Variants in GRIN2B observed in about 807,000 individuals in gnomAD.
The protein encoded by GRIN2B is glutamate ionotropic receptor NMDA type subunit 2B.
GRIN2B carries 5 observed loss-of-function variants against 114.5 expected under a neutral mutation model. The ratio of observed to expected loss-of-function variants is 0.04; its 90% confidence interval spans 0.02 to 0.09. The LOEUF (loss-of-function observed/expected upper bound fraction) is 0.09. Among genes scored for constraint, GRIN2B ranks in the 10% least tolerant of loss-of-function variants. The probability of loss-of-function intolerance (pLI) is 1.00; values close to 1 mark genes in which losing one functional copy is unlikely to be tolerated. For synonymous variants in GRIN2B, 787 were observed against 745.1 expected (o/e 1.06, Z -0.92); for missense variants, 1,108 against 1,943.5 (o/e 0.57, Z 8.08).
intron 5 of GRIN2B, among the ~76,000 whole-genome samples, chr12:13,641,320 A>T (rs957454504): frequency 6.6e-6 from 1 of 151,850 alleles, no homozygotes; most frequent in African/African-American, 2.4e-5. Flanking sequence ...TGATCCTCCC[A>T]CTTCAGCCTC....
chr12:13,740,782 G>A (rs771203577), intron 4 of GRIN2B, among the ~76,000 whole-genome samples: 3 of 152,086 alleles, frequency 2.0e-5, no homozygotes, highest in Non-Finnish European at 4.4e-5. Flanking sequence ...TTCCTCTATG[G>A]GTTAAAGGAT....
intron 5 of GRIN2B, among the ~76,000 whole-genome samples, chr12:13,629,469 C>G (rs2136495588): frequency 6.6e-6 from 1 of 152,274 alleles, no homozygotes; most frequent in African/African-American, 2.4e-5. Context: ...CCACTTGGCC[C>G]CCAGAGTGAT....
Position 13,761,282 on chromosome 12 carries a change from C to T in GRIN2B, c.412-7367G>A, listed in dbSNP as rs1863675656. ...TTGTCCTTTCTACTTGAATTTGGCC[C>T]CATTTTCCTCCCTGACTGAGTCTCT... On this transcript the variant is annotated intron_variant, in intron 3 of 13. Coordinates refer to ENST00000609686, the MANE Select transcript of GRIN2B (RefSeq NM_000834.5). Among the ~76,000 whole-genome samples, 8 of 152,292 alleles carry T rather than the reference C, an allele frequency of 5.3e-5. No individual in the cohort carries two copies. In the South Asian group the frequency reaches 1.7e-3, roughly 32 times the overall value.
At chr12:13,752,219 T>A (rs564430072) in intron 4 of GRIN2B, among the ~76,000 whole-genome samples, 62 of 152,358 alleles carry the variant, frequency 4.1e-4, no homozygotes, top group African/African-American at 1.4e-3. Context: ...AGTGAGTACC[T>A]GAGTATGCAT....
chr12:13,708,413 T>C (rs1209539506), intron 4 of GRIN2B, among the ~76,000 whole-genome samples: 1 of 152,048 alleles, frequency 6.6e-6, no homozygotes, highest in South Asian at 2.1e-4. Context: ...CCTTTTTCCA[T>C]ACGAAGATCA....
At chr12:13,733,131 G>A (rs562397185) in intron 4 of GRIN2B, among the ~76,000 whole-genome samples, 1 of 152,142 alleles carries the variant, frequency 6.6e-6, no homozygotes, top group African/African-American at 2.4e-5. Context: ...TGAATTTCTG[G>A]TACGTGCAAC....
intron 4 of GRIN2B, among the ~76,000 whole-genome samples, chr12:13,694,903 A>G (rs967364357): frequency 4.0e-5 from 6 of 151,714 alleles, no homozygotes; most frequent in South Asian, 2.1e-4. Context: ...AGGATTACAA[A>G]GTTTTTTATG....
At chr12:13,922,099 C>A (rs1165827175) in intron 2 of GRIN2B, among the ~76,000 whole-genome samples, 1 of 152,120 alleles carries the variant, frequency 6.6e-6, no homozygotes, top group Non-Finnish European at 1.5e-5. Flanking sequence ...AGGTGTCTAG[C>A]ACACAGTAAG....
intron 3 of GRIN2B, among the ~76,000 whole-genome samples, chr12:13,777,824 G>C (rs1864031926): frequency 6.6e-6 from 1 of 152,164 alleles, no homozygotes; most frequent in African/African-American, 2.4e-5. Flanking sequence ...AGTCTTATTG[G>C]TTTTGGTCCA....
chr12:13,883,692 C>T (rs2136767442), intron 2 of GRIN2B, among the ~76,000 whole-genome samples: 1 of 152,106 alleles, frequency 6.6e-6, no homozygotes, highest in South Asian at 2.1e-4. Context: ...TAGATATGTC[C>T]TTTATATAAA....
At chr12:13,821,182 C>T (rs556187098) in intron 3 of GRIN2B, among the ~76,000 whole-genome samples, 1 of 152,210 alleles carries the variant, frequency 6.6e-6, no homozygotes, top group African/African-American at 2.4e-5. Flanking sequence ...CCTAAACCAC[C>T]TCCCAACCTG....
chr12:13,678,846 CTAATA>C (rs1274613049), intron 4 of GRIN2B, among the ~76,000 whole-genome samples: 1 of 152,076 alleles, frequency 6.6e-6, no homozygotes, highest in Non-Finnish European at 1.5e-5. Context: ...AATATAAGCA[CTAATA>C]TAATATACTT....
intron 2 of GRIN2B, among the ~76,000 whole-genome samples, chr12:13,867,930 A>G (rs1230681647): frequency 6.6e-6 from 1 of 152,128 alleles, no homozygotes; most frequent in African/African-American, 2.4e-5. Flanking sequence ...TAAAAATCTA[A>G]AAGTGTTGAG....
Position 13,828,893 on chromosome 12 carries a change from T to G in GRIN2B, c.411+36905A>C, listed in dbSNP as rs536503048. On this transcript the variant is annotated intron_variant, in intron 3 of 13. Transcript: ENST00000609686. ...TTACACATGAAATTAAATCCAGTCT[T>G]TACCCTGGCCTCTAAAGAAAGATAT... Among the ~76,000 whole-genome samples, 92 of 152,312 alleles carry G rather than the reference T, an allele frequency of 6.0e-4. 1 individual carries two copies. Among genetic ancestry groups the G allele is most frequent in the African/African-American group, 2.1e-3 (89 of 41,556 alleles).
At position 13,909,430 on chromosome 12, in the gene GRIN2B, T is replaced by C. The variant is rs185088928; in HGVS notation, c.-18-43204A>G. ...TAGTACCTCGGGATAGGGCCGTGTG[T>C]CCTAGTGACGTAGAACCTGAATGTA... On this transcript the variant is annotated intron_variant, in intron 2 of 13. Transcript: ENST00000609686. Among the ~76,000 whole-genome samples, 450 of 152,334 alleles carry C rather than the reference T, an allele frequency of 3.0e-3. 1 individual carries two copies. The highest frequency in any genetic ancestry group is 5.6e-3 in the Non-Finnish European group (381 of 68,038).
chr12:13,589,650 A>T (rs1239115280), intron 10 of GRIN2B, among the ~76,000 whole-genome samples: 1 of 152,232 alleles, frequency 6.6e-6, no homozygotes, highest in Non-Finnish European at 1.5e-5. Context: ...AAGCAATGAA[A>T]CTGACTTGTA....
At chr12:13,616,784 T>A in intron 5 of GRIN2B, 127 bp from the exon 6 acceptor site, 1 of 754,342 alleles carries the variant, frequency 1.3e-6, no homozygotes, top group Non-Finnish European at 2.4e-6. Context: ...ACATTGTACA[T>A]ACTAGAGATA....
chr12:13,607,721 G>T (rs1390764232), intron 10 of GRIN2B, among the ~76,000 whole-genome samples: 2 of 149,474 alleles, frequency 1.3e-5, no homozygotes, highest in South Asian at 2.1e-4. Flanking sequence ...CTTCATCCTG[G>T]GGGGGTGGGG....
intron 2 of GRIN2B, among the ~76,000 whole-genome samples, chr12:13,952,816 T>C (rs1205645842): frequency 1.3e-5 from 2 of 151,970 alleles, no homozygotes; most frequent in Non-Finnish European, 2.9e-5. Flanking sequence ...GAACACAACA[T>C]ATTAGACAGT....
Sources: allele counts gnomAD v4.1 joint callset (sites outside exome capture counted in the v4.1 genomes callset), GRCh38; gene constraint gnomAD v4.1.1; transcripts MANE v1.5; gene names NCBI Gene and HGNC (gene_info 2026-07-23, HGNC 2026-07-21).